Variants in PON1 observed in about 807,000 individuals in gnomAD.
PON1 encodes the protein serum paraoxonase/arylesterase 1.
In PON1, 37 loss-of-function variants were observed where a neutral mutation model predicts 39.2. That is an observed-to-expected ratio of 0.94 (90% CI 0.73 to 1.24). The LOEUF (loss-of-function observed/expected upper bound fraction) is 1.24, where lower values mean the gene tolerates loss of function less well. Among genes scored for constraint, PON1 ranks in the 50% most tolerant of loss-of-function variants. The probability of loss-of-function intolerance (pLI) is 0.00; values close to 1 mark genes in which losing one functional copy is unlikely to be tolerated. For synonymous variants in PON1, 148 were observed against 152.2 expected (o/e 0.97, Z 0.21); for missense variants, 397 against 413.5 (o/e 0.96, Z 0.35).
intron 4 of PON1, among the ~76,000 whole-genome samples, chr7:95,312,426 G>C (rs560427634): frequency 6.6e-6 from 1 of 152,196 alleles, no homozygotes; most frequent in Non-Finnish European, 1.5e-5. Context: ...AGGTTGAATT[G>C]AGAAGATTTG....
Position 95,308,046 on chromosome 7 carries a change from A to G in PON1, c.663T>C (p.Asp221=). The change falls in exon 6 of 9, where the codon GAT becomes GAC. Residue 221 remains aspartate, a synonymous_variant. Transcript: ENST00000222381. ...SEVRVVAEGF[D]FANGINISPD... ...GTGAAATGTTGATTCCATTAGCAAA[A>G]TCAAATCCTTCTGCCACCACTCGAA... is the stretch of plus-strand genomic sequence containing the variant. 1 of 1,614,106 alleles carries G rather than the reference A, an allele frequency of 6.2e-7. No homozygotes were observed. Among genetic ancestry groups the G allele is most frequent in the Non-Finnish European group, 8.5e-7 (1 of 1,180,020 alleles).
Position 95,302,113 on chromosome 7 carries a change from A to AC in PON1, c.909+91_909+92insG, listed in dbSNP as rs1371883666. The AC allele has an allele frequency of 2.8e-4, 241 of 847,928 alleles. 2 individuals are homozygous for AC. In the African/African-American group the frequency reaches 4.1e-3, roughly 15 times the overall value. The allele number at this position is 847,928 out of a possible 1,614,324, so 52.5% of individuals were successfully genotyped here. A position where few individuals can be genotyped will look rare whatever the true frequency, so the allele number is the denominator to read the frequency against. Reference sequence around the variant, plus strand: ...CTCTGTCACAAAAAAAAAAAAAAAAAAAAAAAAACCAAGAATTGAGAATTA... The same window carrying AC: ...CTCTGTCACAAAAAAAAAAAAAAAAACAAAAAAAACCAAGAATTGAGAATTA... On this transcript the variant is annotated intron_variant, in intron 8 of 8. Coordinates refer to ENST00000222381, the MANE Select transcript of PON1 (RefSeq NM_000446.7).
chr7:95,301,746 C>A (rs1007942412), intron 8 of PON1, among the ~76,000 whole-genome samples: 6 of 152,104 alleles, frequency 3.9e-5, no homozygotes, highest in African/African-American at 1.4e-4. Flanking sequence ...GCCTTCATTT[C>A]TGATCATTTG....
chr7:95,302,175 T>C, intron 8 of PON1, 30 bp downstream of exon 8: 3 of 1,549,478 alleles, frequency 1.9e-6, no homozygotes, highest in Non-Finnish European at 2.6e-6. Context: ...GGGAATAAAG[T>C]CACTTATCTG....
In PON1 at chr7:95,306,348, C is replaced by T. The variant is rs1392112909; in HGVS notation, c.717G>A (p.Glu239=). The stretch of plus-strand genomic sequence containing the variant: ...ACACATGAATCTTATGAGCCAGCAA[C>T]TCAGCTATATAGACATACCTTCAAA... ...SPDGKYVYIA[E]LLAHKIHVYE... Residue 239 remains glutamate (E), a synonymous_variant, in exon 7 of 9, where the codon GAG becomes GAA. Transcript: ENST00000222381. 8 of 1,611,278 alleles carry T rather than the reference C, an allele frequency of 5.0e-6. No individual in the cohort carries two copies. In the South Asian group the frequency reaches 7.7e-5, roughly 15 times the overall value.
At chr7:95,317,573 C>CAAAAAAAAAAAAAAAAAAAAAAAAAAA (rs869140411) in intron 2 of PON1, among the ~76,000 whole-genome samples, 3 of 46,856 alleles carry the variant, frequency 6.4e-5, no homozygotes, top group Non-Finnish European at 4.8e-5. Context: ...TCTAAAAGAA[C>CAAAAAAAAAAAAAAAAAAAAAAAAAAA]AAAAAAAAAA....
At position 95,315,479 on chromosome 7, in the gene PON1, A is replaced by G. The variant is rs1392507351; in HGVS notation, c.213T>C (p.Tyr71=). 1.2e-6 allele frequency: 2 copies of G among 1,613,954 alleles called. No individual in the cohort carries two copies. Among genetic ancestry groups the G allele is most frequent in the Non-Finnish European group, 8.5e-7 (1 of 1,179,918 alleles). ...TGGGGTTGAAGCTCTTTATTCCAGG[A>G]TACTTTAATCCCTTATAAACCATGG... ...GLAFISSGLK[Y]PGIKSFNPNS... is the part of the protein sequence containing the mutation. The change falls in exon 4 of 9, where the codon TAT becomes TAC. Residue 71 remains tyrosine, a synonymous_variant. Coordinates refer to ENST00000222381, the MANE Select transcript of PON1 (RefSeq NM_000446.7).
At chr7:95,313,584 AG>A (rs1807700293) in intron 4 of PON1, among the ~76,000 whole-genome samples, 4 of 151,070 alleles carry the variant, frequency 2.6e-5, no homozygotes, top group African/African-American at 9.8e-5. Flanking sequence ...TGGGTGGATG[AG>A]TGGAAAGTCC....
chr7:95,301,818 T>C (rs1218244571), intron 8 of PON1, among the ~76,000 whole-genome samples: 1 of 151,382 alleles, frequency 6.6e-6, no homozygotes, highest in Admixed American at 6.6e-5. Flanking sequence ...CCGGGCACGG[T>C]GGCTCACGCC....
intron 7 of PON1, among the ~76,000 whole-genome samples, chr7:95,303,777 A>T (rs1273053807): frequency 6.6e-6 from 1 of 151,914 alleles, no homozygotes; most frequent in African/African-American, 2.4e-5. Context: ...CACATCTCAC[A>T]CTCCCACAAA....
At chr7:95,301,267 T>G (rs1175289113) in intron 8 of PON1, among the ~76,000 whole-genome samples, 1 of 152,160 alleles carries the variant, frequency 6.6e-6, no homozygotes. Flanking sequence ...TTGAGTACTG[T>G]AACTAAGGTG....
chr7:95,318,058 T>A (rs1807809299), intron 2 of PON1, among the ~76,000 whole-genome samples: 1 of 150,372 alleles, frequency 6.7e-6, no homozygotes, highest in Admixed American at 6.7e-5. Context: ...AATCAAACAT[T>A]ATTCTATTTT....
At chr7:95,308,288 ACT>A in intron 5 of PON1, 77 bp from the exon 6 acceptor site, 1 of 1,352,886 alleles carries the variant, frequency 7.4e-7, no homozygotes, top group South Asian at 1.2e-5. Flanking sequence ...GGCATTCCTC[ACT>A]GTCTATTCCT....
intron 5 of PON1, among the ~76,000 whole-genome samples, chr7:95,310,658 A>G (rs989636536): frequency 2.6e-5 from 4 of 152,218 alleles, no homozygotes; most frequent in African/African-American, 9.6e-5. Flanking sequence ...TGCACACTAC[A>G]TACCAGGCCC....
chr7:95,307,871 A>T, intron 6 of PON1, 140 bp downstream of exon 6: 2 of 884,878 alleles, frequency 2.3e-6, no homozygotes, highest in Non-Finnish European at 3.5e-6. Flanking sequence ...CTGAAAAATT[A>T]AGACATTTTA....
chr7:95,304,223 T>C (rs1428695252), intron 7 of PON1, among the ~76,000 whole-genome samples: 2 of 152,162 alleles, frequency 1.3e-5, no homozygotes, highest in East Asian at 3.8e-4. Flanking sequence ...GTACTTCCTA[T>C]TAGTAAATCG....
At chr7:95,299,872 T>C (rs952624126) in intron 8 of PON1, among the ~76,000 whole-genome samples, 2 of 152,134 alleles carry the variant, frequency 1.3e-5, no homozygotes, top group Non-Finnish European at 2.9e-5. Context: ...CACTCAGCAA[T>C]AGCCAAACTG....
Position 95,298,583 on chromosome 7 carries a change from T to A in PON1, c.*361A>T, listed in dbSNP as rs1807341546. ...TCCCCTGTGTCTTCTGAACAAGACATGGCAAGGCAGCGATACACACATGTG... is the reference window on the plus strand; with the variant it reads ...TCCCCTGTGTCTTCTGAACAAGACAAGGCAAGGCAGCGATACACACATGTG... On this transcript the variant is annotated 3_prime_UTR_variant, in exon 9 of 9. Coordinates refer to ENST00000222381, the MANE Select transcript of PON1 (RefSeq NM_000446.7). 5.5e-6 allele frequency: 2 copies of A among 360,646 alleles called. No individual in the cohort carries two copies. The highest frequency in any genetic ancestry group is 4.5e-5 in the South Asian group (2 of 44,332). The allele number at this position is 360,646 out of a possible 1,614,324, so 22.3% of individuals were successfully genotyped here. A position where few individuals can be genotyped will look rare whatever the true frequency, so the allele number is the denominator to read the frequency against.
rs763624169 is a variant in PON1, at chr7:95,298,965, T to G, written c.1047A>C (p.Lys349Asn). Residue 349 changes from lysine (K) to asparagine (N), a missense_variant, in exon 9 of 9, where the codon AAA becomes AAC. Coordinates refer to ENST00000222381, the MANE Select transcript of PON1 (RefSeq NM_000446.7). ...TCTGTTAGAGCTCACAGTAAAGAGC[T>G]TTGTGAAACACTGTGCCAATCAGCA... The part of the protein sequence containing the change: ...GKLLIGTVFH[K>N]ALYCEL 1.9e-6 allele frequency: 3 copies of G among 1,614,134 alleles called. No homozygotes were observed. The highest frequency in any genetic ancestry group is 2.5e-6 in the Non-Finnish European group (3 of 1,180,012).
Sources: allele counts gnomAD v4.1 joint callset (sites outside exome capture counted in the v4.1 genomes callset), GRCh38; gene constraint gnomAD v4.1.1; transcripts MANE v1.5; gene names NCBI Gene and HGNC (gene_info 2026-07-23, HGNC 2026-07-21).